Variants in MSI2 observed in about 807,000 individuals in gnomAD.
MSI2 encodes the protein musashi RNA binding protein 2.
A neutral mutation model predicts 45.6 loss-of-function variants in MSI2; 17 were observed. The observed-to-expected ratio is 0.37, with a 90% CI of 0.26 to 0.56. MSI2 has a LOEUF of 0.56. MSI2 is among the 20% of genes least tolerant of loss of function. MSI2 has a pLI of 0.77. For missense variants in MSI2, 293 were observed against 444.2 expected (o/e 0.66, Z 3.06); for synonymous variants, 156 against 158.2 (o/e 0.99, Z 0.11).
intron 5 of MSI2, among the ~76,000 whole-genome samples, chr17:57,395,259 A>T (rs1220249018): frequency 2.6e-5 from 4 of 152,204 alleles, no homozygotes; most frequent in Non-Finnish European, 5.9e-5. Flanking sequence ...ATCTGTAAAG[A>T]CCCTGTTTCC....
chr17:57,574,828 CT>C (rs34704876), intron 7 of MSI2, among the ~76,000 whole-genome samples: 12,985 of 128,208 alleles, frequency 0.1, 269 homozygotes, highest in Middle Eastern at 0.15. Flanking sequence ...CTCTCTCTCT[CT>C]TTTTTTTTTT....
chr17:57,451,333 C>T (rs144990688), intron 6 of MSI2, among the ~76,000 whole-genome samples: 1 of 152,098 alleles, frequency 6.6e-6, no homozygotes, highest in Non-Finnish European at 1.5e-5. Context: ...GAAGCCACCC[C>T]CTCCTTTGTC....
rs541416168 is a variant in MSI2, at chr17:57,582,490, T to A, written c.455-14378T>A. 2.0e-5 allele frequency among the ~76,000 whole-genome samples: 3 copies of A among 152,270 alleles called. No homozygotes were observed. The South Asian group carries it at 6.2e-4, about 32-fold the overall frequency. On this transcript the variant is annotated intron_variant, in intron 7 of 13. Coordinates refer to ENST00000284073, the MANE Select transcript of MSI2 (RefSeq NM_138962.4). ...GAATATGCTGGTTTTAAAAAAGAAT[T>A]CTTGATTTAACACTTCATGATCCAA... is the stretch of plus-strand genomic sequence containing the variant.
Position 57,256,821 on chromosome 17 carries a change from T to C in MSI2, c.62+17T>C. 6.9e-7 allele frequency: 1 copy of C among 1,451,146 alleles called. No homozygotes were observed. The highest frequency in any genetic ancestry group is 2.8e-5 in the Admixed American group (1 of 35,530). 89.9% of individuals were successfully genotyped at this position (1,451,146 alleles called of 1,614,324 possible). ...CGACCCCGGGTAAGTTTCCAGCCGC[T>C]GCCCACCGCGCCGCCTTGGGCTCGC... On this transcript the variant is annotated intron_variant, in intron 1 of 13. Coordinates refer to ENST00000284073, the MANE Select transcript of MSI2 (RefSeq NM_138962.4).
intron 6 of MSI2, among the ~76,000 whole-genome samples, chr17:57,475,380 A>G (rs558092395): frequency 6.6e-6 from 1 of 152,160 alleles, no homozygotes; most frequent in African/African-American, 2.4e-5. Flanking sequence ...ATGCGTGCAC[A>G]CAAGAGAGGA....
intron 10 of MSI2, chr17:57,632,424 C>G (rs1266736192): frequency 1.1e-5 from 12 of 1,065,970 alleles, no homozygotes; most frequent in Non-Finnish European, 1.1e-5. Flanking sequence ...TAATCACAAG[C>G]CTGTCTGTCT....
chr17:57,657,350 A>G (rs1911673595), intron 11 of MSI2, among the ~76,000 whole-genome samples: 1 of 152,024 alleles, frequency 6.6e-6, no homozygotes, highest in Non-Finnish European at 1.5e-5. Flanking sequence ...ACACAGGGAG[A>G]TGGCTGGAAC....
chr17:57,691,200 CATCTATCTATCTATCTATCT>C, the MSI2 span, among the ~76,000 whole-genome samples: 10 of 140,310 alleles, frequency 7.1e-5, no homozygotes, highest in African/African-American at 1.8e-4. Flanking sequence ...CTCTCTCTCT[CATCTATCTATCTATCTATCT>C]ATCTATCTAT....
intron 7 of MSI2, among the ~76,000 whole-genome samples, chr17:57,592,191 A>G (rs1347080991): frequency 1.3e-5 from 2 of 151,564 alleles, no homozygotes; most frequent in Non-Finnish European, 2.9e-5. Context: ...AAAAAAGGCT[A>G]AGATGGTTAA....
chr17:57,522,864 C>G (rs1207716449), intron 6 of MSI2: 1 of 152,234 alleles, frequency 6.6e-6, no homozygotes, highest in Non-Finnish European at 1.5e-5. Context: ...CTCCTGGGAA[C>G]AAGTTTTTTG....
chr17:57,301,635 C>A (rs1381951665), intron 5 of MSI2, among the ~76,000 whole-genome samples: 1 of 152,238 alleles, frequency 6.6e-6, no homozygotes, highest in Non-Finnish European at 1.5e-5. Context: ...TTGATGCAGG[C>A]AACTGCAGCT....
At chr17:57,557,690 A>G (rs1472285403) in intron 7 of MSI2, among the ~76,000 whole-genome samples, 1 of 152,138 alleles carries the variant, frequency 6.6e-6, no homozygotes, top group Non-Finnish European at 1.5e-5. Flanking sequence ...GCAGGTGTAC[A>G]TTCGCTCCCC....
chr17:57,485,403 G>A (rs948437682), intron 6 of MSI2, among the ~76,000 whole-genome samples: 4 of 152,124 alleles, frequency 2.6e-5, no homozygotes, highest in African/African-American at 9.7e-5. Flanking sequence ...TTGGCCTGTT[G>A]TTTAATGTTT....
the MSI2 span, among the ~76,000 whole-genome samples, chr17:57,691,397 C>T: frequency 1.2e-4 from 18 of 152,166 alleles, no homozygotes; most frequent in Middle Eastern, 6.8e-3. Flanking sequence ...TTGATTTTTA[C>T]AAGATAATGT....
Position 57,650,479 on chromosome 17 carries a change from G to C in MSI2, c.728-1620G>C, listed in dbSNP as rs138011541. Among the ~76,000 whole-genome samples, 43 of 152,258 alleles carry C rather than the reference G, an allele frequency of 2.8e-4. 1 individual carries two copies. In the East Asian group the frequency reaches 7.7e-3, roughly 27 times the overall value. On this transcript the variant is annotated intron_variant, in intron 10 of 13. Transcript: ENST00000284073. Reference sequence around the variant, plus strand: ...ATGCTGCCTGGAAGAAATGGGGAGAGGACTTGGTTGGGGGTCCCTCCCTTG... The same window carrying C: ...ATGCTGCCTGGAAGAAATGGGGAGACGACTTGGTTGGGGGTCCCTCCCTTG...
At chr17:57,506,483 T>G (rs1437122091) in intron 6 of MSI2, among the ~76,000 whole-genome samples, 1 of 152,222 alleles carries the variant, frequency 6.6e-6, no homozygotes, top group Non-Finnish European at 1.5e-5. Flanking sequence ...CATCGCTTCT[T>G]TCTCTGGCTG....
intron 10 of MSI2, chr17:57,633,144 G>T: frequency 2.0e-6 from 2 of 1,021,608 alleles, no homozygotes; most frequent in Non-Finnish European, 1.2e-6. Context: ...TTTTTCCCCT[G>T]TAAGCAACCG....
At position 57,622,422 on chromosome 17, in the gene MSI2, C is replaced by A. The variant is rs542762860; in HGVS notation, c.653-4807C>A. On this transcript the variant is annotated intron_variant, in intron 9 of 13. Coordinates refer to ENST00000284073, the MANE Select transcript of MSI2 (RefSeq NM_138962.4). ...ATCCCACTGCCTTTAACTTTCTTGG[C>A]CTCGTTGGGCACATGCTGTTTATTT... Among the ~76,000 whole-genome samples, 22 of 152,314 alleles carry A rather than the reference C, an allele frequency of 1.4e-4. No individual in the cohort carries two copies. The South Asian group carries it at 4.1e-3, about 29-fold the overall frequency.
chr17:57,695,871 T>C, the MSI2 span, among the ~76,000 whole-genome samples: 7 of 152,192 alleles, frequency 4.6e-5, no homozygotes, highest in African/African-American at 1.7e-4. Context: ...ATGACCACCT[T>C]TTCCACTGTT....
Sources: gnomAD v4.1 joint callset for allele counts (sites outside exome capture counted in the v4.1 genomes callset) on GRCh38, gnomAD v4.1.1 for gene constraint, MANE v1.5 for transcripts, NCBI Gene and HGNC (gene_info 2026-07-23, HGNC 2026-07-21) for gene names.